GIPC2: variants seen among roughly 807,000 people sequenced by gnomAD.
GIPC2 encodes GIPC PDZ domain containing family member 2, also known as PDZ domain-containing protein GIPC2.
Under a neutral mutation model 30.6 loss-of-function variants are expected in GIPC2, and 30 were observed. That is an observed-to-expected ratio of 0.98 (90% CI 0.73 to 1.33). The LOEUF (loss-of-function observed/expected upper bound fraction) is 1.33. Among genes scored for constraint, GIPC2 ranks in the 40% most tolerant of loss-of-function variants. GIPC2 has a pLI of 0.00. For missense variants in GIPC2, 414 were observed against 390.3 expected (o/e 1.06, Z -0.51); for synonymous variants, 167 against 150.0 (o/e 1.11, Z -0.83).
intron 3 of GIPC2, among the ~76,000 whole-genome samples, chr1:78,113,943 T>C (rs976315120): frequency 6.6e-6 from 1 of 151,884 alleles, no homozygotes; most frequent in Non-Finnish European, 1.5e-5. Context: ...ATAGCATTAA[T>C]AACTCCTTGT....
chr1:78,083,747 A>G (rs557299930), intron 2 of GIPC2, among the ~76,000 whole-genome samples: 43 of 152,322 alleles, frequency 2.8e-4, no homozygotes, highest in African/African-American at 8.4e-4. Flanking sequence ...GTCTGTTACT[A>G]TCAATTATAT....
rs779600110 is a variant in GIPC2, at chr1:78,127,598, C to T, written c.796+1636C>T. 1.4e-4 allele frequency among the ~76,000 whole-genome samples: 22 copies of T among 152,296 alleles called. No homozygotes were observed. In the East Asian group the frequency reaches 4.0e-3, roughly 28 times the overall value. Reference sequence around the variant, plus strand: ...CTCCATTTTGGTTTGGTCTGTTAGGCCTAGTATAGGAGCTCAGTCCAAACC... The same window carrying T: ...CTCCATTTTGGTTTGGTCTGTTAGGTCTAGTATAGGAGCTCAGTCCAAACC... On this transcript the variant is annotated intron_variant, in intron 5 of 5. Coordinates refer to ENST00000370759, the MANE Select transcript of GIPC2 (RefSeq NM_017655.6).
At chr1:78,118,516 C>T (rs76933498) in intron 3 of GIPC2, among the ~76,000 whole-genome samples, 4,990 of 152,018 alleles carry the variant, frequency 0.033, 212 homozygotes, top group African/African-American at 0.098. Context: ...TTGGTGGTGA[C>T]GCTTAGTTTG....
At chr1:78,075,632 T>C (rs1405381665) in intron 1 of GIPC2, among the ~76,000 whole-genome samples, 1 of 152,186 alleles carries the variant, frequency 6.6e-6, no homozygotes, top group Non-Finnish European at 1.5e-5. Flanking sequence ...TAAGGCAAAA[T>C]ACAGAGGAAG....
intron 3 of GIPC2, among the ~76,000 whole-genome samples, chr1:78,113,189 T>G (rs1009046518): frequency 2.3e-4 from 35 of 152,106 alleles, no homozygotes; most frequent in African/African-American, 8.5e-4. Context: ...AATCACAACC[T>G]TAATGCATAT....
intron 3 of GIPC2, among the ~76,000 whole-genome samples, chr1:78,099,145 C>A (rs185661726): frequency 5.9e-5 from 9 of 152,156 alleles, no homozygotes; most frequent in African/African-American, 2.2e-4. Context: ...TCCATTCAGA[C>A]ATTTGTTGAG....
chr1:78,047,194 C>T (rs981472811), intron 1 of GIPC2, among the ~76,000 whole-genome samples: 4 of 152,166 alleles, frequency 2.6e-5, no homozygotes, highest in Non-Finnish European at 4.4e-5. Flanking sequence ...AAGTGAACTG[C>T]AAAGGTAGGT....
chr1:78,087,885 G>A (rs1024173458), intron 2 of GIPC2, among the ~76,000 whole-genome samples: 12 of 151,916 alleles, frequency 7.9e-5, no homozygotes, highest in Non-Finnish European at 8.8e-5. Flanking sequence ...CTAATATCCA[G>A]CATCTTTAAG....
chr1:78,133,989 A>G (rs186290598), intron 5 of GIPC2, among the ~76,000 whole-genome samples: 5 of 152,240 alleles, frequency 3.3e-5, no homozygotes, highest in African/African-American at 1.2e-4. Flanking sequence ...GTCTTGGTTC[A>G]TATTGCACTT....
intron 1 of GIPC2, among the ~76,000 whole-genome samples, chr1:78,062,176 T>G (rs766384988): frequency 6.6e-6 from 1 of 152,192 alleles, no homozygotes; most frequent in Non-Finnish European, 1.5e-5. Context: ...TAACTGTGTA[T>G]CTATTCTTAA....
chr1:78,097,557 C>T (rs1662160565), intron 3 of GIPC2, among the ~76,000 whole-genome samples: 1 of 152,180 alleles, frequency 6.6e-6, no homozygotes, highest in South Asian at 2.1e-4. Context: ...CTGCAAGCAC[C>T]ACTTCTTTGT....
chr1:78,129,712 G>A (rs1190578399), intron 5 of GIPC2, among the ~76,000 whole-genome samples: 1 of 152,198 alleles, frequency 6.6e-6, no homozygotes. Context: ...CGTTCTAAAA[G>A]ATGCTGAGTC....
intron 2 of GIPC2, among the ~76,000 whole-genome samples, chr1:78,093,645 C>T (rs1434246605): frequency 6.6e-6 from 1 of 152,148 alleles, no homozygotes; most frequent in African/African-American, 2.4e-5. Flanking sequence ...GATCAGTTTT[C>T]TCCTAGCTCT....
intron 3 of GIPC2, among the ~76,000 whole-genome samples, chr1:78,101,855 C>T (rs1019311147): frequency 6.6e-6 from 1 of 152,152 alleles, no homozygotes; most frequent in Non-Finnish European, 1.5e-5. Flanking sequence ...CCTAGATTTT[C>T]CCAAGGCCAT....
intron 1 of GIPC2, chr1:78,068,972 G>T: frequency 1.9e-6 from 1 of 526,776 alleles, no homozygotes; most frequent in Non-Finnish European, 2.4e-6. Flanking sequence ...GCCCCTGCTT[G>T]GTCTTCTCCC....
At chr1:78,059,408 A>G (rs915592872) in intron 1 of GIPC2, among the ~76,000 whole-genome samples, 1 of 152,220 alleles carries the variant, frequency 6.6e-6, no homozygotes, top group Non-Finnish European at 1.5e-5. Context: ...TGGCTTGACT[A>G]TAGAAATCCT....
chr1:78,135,069 G>T (rs1320694780), intron 5 of GIPC2, among the ~76,000 whole-genome samples: 2 of 152,180 alleles, frequency 1.3e-5, no homozygotes, highest in African/African-American at 4.8e-5. Flanking sequence ...CAGGTAGACA[G>T]ATGTCTTCCT....
chr1:78,123,986 T>C (rs1317527666), intron 4 of GIPC2, among the ~76,000 whole-genome samples: 1 of 152,236 alleles, frequency 6.6e-6, no homozygotes, highest in Non-Finnish European at 1.5e-5. Context: ...GAAATAGATT[T>C]TTATTTGCTA....
intron 2 of GIPC2, among the ~76,000 whole-genome samples, chr1:78,093,228 C>A (rs1662073218): frequency 1.3e-5 from 2 of 152,046 alleles, no homozygotes; most frequent in South Asian, 4.1e-4. Flanking sequence ...GTTTTTTCTT[C>A]TTTAGACTCT....
Sources: gnomAD v4.1 joint callset for allele counts (sites outside exome capture counted in the v4.1 genomes callset) on GRCh38, gnomAD v4.1.1 for gene constraint, MANE v1.5 for transcripts, NCBI Gene and HGNC (gene_info 2026-07-23, HGNC 2026-07-21) for gene names.